The following TOP6BL variants were observed in gnomAD, a reference collection of about 807,000 sequenced individuals.
The protein encoded by TOP6BL is TOP6B like initiator of meiotic double strand breaks.
chr11:66,818,566 G>A, the TOP6BL span, among the ~76,000 whole-genome samples: 1 of 152,158 alleles, frequency 6.6e-6, no homozygotes, highest in African/African-American at 2.4e-5. Flanking sequence ...GGAATCAAGA[G>A]ACCTGGGTTT....
chr11:66,812,144 C>T, the TOP6BL span, among the ~76,000 whole-genome samples: 1 of 150,934 alleles, frequency 6.6e-6, no homozygotes, highest in Non-Finnish European at 1.5e-5. Flanking sequence ...AACTGCACAT[C>T]TTGGCTCCTC....
At chr11:66,806,946 A>C in the TOP6BL span, among the ~76,000 whole-genome samples, 2 of 152,222 alleles carry the variant, frequency 1.3e-5, no homozygotes, top group Middle Eastern at 3.2e-3. Context: ...GATAGTACAG[A>C]ACAGTATAGA....
the TOP6BL span, among the ~76,000 whole-genome samples, chr11:66,803,495 A>G: frequency 6.6e-6 from 1 of 152,096 alleles, no homozygotes; most frequent in Non-Finnish European, 1.5e-5. Context: ...GTGGCGCAAT[A>G]TCAGCTCACT....
chr11:66,771,931 C>T, the TOP6BL span, among the ~76,000 whole-genome samples: 312 of 152,206 alleles, frequency 2.0e-3, 2 homozygotes, highest in African/African-American at 7.3e-3. Context: ...ACTTTTAAGG[C>T]TTATTATTTA....
At chr11:66,838,963 C>T in the TOP6BL span, among the ~76,000 whole-genome samples, 2 of 152,188 alleles carry the variant, frequency 1.3e-5, no homozygotes, top group Non-Finnish European at 1.5e-5. Context: ...GATCTCCTGA[C>T]CTTGTGATCC....
the TOP6BL span, among the ~76,000 whole-genome samples, chr11:66,832,679 G>A: frequency 6.6e-6 from 1 of 152,224 alleles, no homozygotes; most frequent in Non-Finnish European, 1.5e-5. Flanking sequence ...CCTTTCAGCT[G>A]CTTCACCGCA....
At chr11:66,769,247 C>G in the TOP6BL span, among the ~76,000 whole-genome samples, 3 of 151,976 alleles carry the variant, frequency 2.0e-5, no homozygotes, top group African/African-American at 4.8e-5. Flanking sequence ...CAAAATGGAT[C>G]AAAGAACTAA....
At chr11:66,777,111 ATATC>A in the TOP6BL span, among the ~76,000 whole-genome samples, 5 of 150,386 alleles carry the variant, frequency 3.3e-5, no homozygotes, top group South Asian at 2.1e-4. Flanking sequence ...CTATATATCT[ATATC>A]TATATCTATA....
the TOP6BL span, chr11:66,821,780 C>G: frequency 6.2e-7 from 1 of 1,611,940 alleles, no homozygotes. Context: ...AAGGAATTCA[C>G]AGCCTCTTTT....
the TOP6BL span, among the ~76,000 whole-genome samples, chr11:66,809,003 T>C: frequency 6.6e-6 from 1 of 152,190 alleles, no homozygotes; most frequent in African/African-American, 2.4e-5. Flanking sequence ...TGGAGTGCAG[T>C]GGCTCGATCT....
At chr11:66,794,742 A>G in the TOP6BL span, among the ~76,000 whole-genome samples, 2 of 152,316 alleles carry the variant, frequency 1.3e-5, no homozygotes, top group South Asian at 4.1e-4. Flanking sequence ...TCACAAAACA[A>G]AAAAGAAAGA....
the TOP6BL span, chr11:66,758,302 C>CTTATTTTTTTTTTTTTTTTTTT: frequency 1.5e-5 from 1 of 67,318 alleles, no homozygotes. Flanking sequence ...TTTTCTTTTT[C>CTTATTTTTTTTTTTTTTTTTTT]TTTTTTTTTT....
the TOP6BL span, among the ~76,000 whole-genome samples, chr11:66,827,015 CTT>C: frequency 3.0e-5 from 4 of 133,650 alleles, no homozygotes; most frequent in Non-Finnish European, 6.2e-5. Context: ...GAGTTTCGCT[CTT>C]GTTGCCCAGG....
At chr11:66,779,149 C>A in the TOP6BL span, among the ~76,000 whole-genome samples, 1 of 152,082 alleles carries the variant, frequency 6.6e-6, no homozygotes, top group Non-Finnish European at 1.5e-5. Context: ...CGACAAAAGC[C>A]AAAATTGACA....
At chr11:66,840,184 A>G in the TOP6BL span, among the ~76,000 whole-genome samples, 18 of 152,262 alleles carry the variant, frequency 1.2e-4, no homozygotes, top group African/African-American at 4.1e-4. Context: ...GCCACCATCC[A>G]TTGGTGGTCC....
chr11:66,821,682 T>TTG, the TOP6BL span: 1 of 1,612,036 alleles, frequency 6.2e-7, no homozygotes, highest in Non-Finnish European at 8.5e-7. Flanking sequence ...AATGCCATCC[T>TTG]TGTGGAGAGC....
At chr11:66,748,441 A>G in the TOP6BL span, 1 of 1,548,454 alleles carries the variant, frequency 6.5e-7, no homozygotes. Context: ...GAGCATTGCT[A>G]GAAGGGCAGC....
At chr11:66,777,646 T>G in the TOP6BL span, among the ~76,000 whole-genome samples, 2 of 152,130 alleles carry the variant, frequency 1.3e-5, no homozygotes, top group Middle Eastern at 3.2e-3. Context: ...ATCCCAGCAC[T>G]TTGGGAGGCT....
chr11:66,804,683 A>C, the TOP6BL span, among the ~76,000 whole-genome samples: 1 of 152,214 alleles, frequency 6.6e-6, no homozygotes, highest in African/African-American at 2.4e-5. Context: ...TACACCTGTA[A>C]TCCCAGCACT....
Sources: allele counts gnomAD v4.1 joint callset (sites outside exome capture counted in the v4.1 genomes callset), GRCh38; gene constraint gnomAD v4.1.1; transcripts MANE v1.5; gene names NCBI Gene and HGNC (gene_info 2026-07-23, HGNC 2026-07-21).